MMD: variants seen among roughly 807,000 people sequenced by gnomAD.
MMD encodes monocyte to macrophage differentiation associated.
Under a neutral mutation model 33.6 loss-of-function variants are expected in MMD, and 22 were observed. That is an observed-to-expected ratio of 0.66 (90% CI 0.47 to 0.94). The LOEUF (loss-of-function observed/expected upper bound fraction) is 0.94, where lower values mean the gene tolerates loss of function less well. Ranked by LOEUF, MMD falls within the 40% of genes least tolerant of loss-of-function variation. MMD has a pLI of 0.00. For missense variants in MMD, 242 were observed against 309.8 expected (o/e 0.78, Z 1.64); for synonymous variants, 97 against 103.2 (o/e 0.94, Z 0.36).
Position 55,401,463 on chromosome 17 carries a change from TC to T in MMD, c.516+5del. ...AAATAACTAAAATTCTGAAGCCATG[TC>T]TTACCATTGATGTCACCACCAAGGC... On this transcript the variant is annotated splice_donor_5th_base_variant and intron_variant, in intron 6 of 6. Transcript: ENST00000262065. 1 of 1,598,720 alleles carries T rather than the reference TC, an allele frequency of 6.3e-7. No individual in the cohort carries two copies. The highest frequency in any genetic ancestry group is 8.5e-7 in the Non-Finnish European group (1 of 1,173,164).
Position 55,394,438 on chromosome 17 carries a change from G to A in MMD, c.613C>T (p.His205Tyr). The A allele has an allele frequency of 6.5e-7, 1 of 1,533,396 alleles. No homozygotes were observed. The highest frequency in any genetic ancestry group is 8.7e-7 in the Non-Finnish European group (1 of 1,145,490). 95.0% of individuals were successfully genotyped at this position (1,533,396 alleles called of 1,614,324 possible). Residue 205 changes from histidine to tyrosine, a missense_variant, in exon 7 of 7, where the codon CAC (histidine) becomes TAC (tyrosine). Coordinates refer to ENST00000262065, the MANE Select transcript of MMD (RefSeq NM_012329.3). ...GCCACAAACAGGTGCCAGATGGCGTGGGCAAATGGAATGATGCCATCACTC... is the reference window on the plus strand; with the variant it reads ...GCCACAAACAGGTGCCAGATGGCGTAGGCAAATGGAATGATGCCATCACTC... ...FKSDGIIPFA[H>Y]AIWHLFVATA...
chr17:55,416,670 T>C lies in MMD; in HGVS notation c.27-2438A>G, dbSNP rs183329382. 2.6e-5 allele frequency among the ~76,000 whole-genome samples: 4 copies of C among 152,244 alleles called. No homozygotes were observed. In the East Asian group the frequency reaches 5.8e-4, roughly 22 times the overall value. ...CCTAAAACCTAAATGGAAAAGCAGA[T>C]GTAAAATGTAAATCAACTCCCACAC... On this transcript the variant is annotated intron_variant, in intron 1 of 6. Coordinates refer to ENST00000262065, the MANE Select transcript of MMD (RefSeq NM_012329.3).
At chr17:55,401,635 T>C (rs1907334560) in intron 5 of MMD, 97 bp from the exon 6 acceptor site, 1 of 997,956 alleles carries the variant, frequency 1.0e-6, no homozygotes, top group Non-Finnish European at 1.5e-6. Context: ...GAGAAAGAAA[T>C]GTAAACTCTT....
chr17:55,418,477 G>A (rs1908054619), intron 1 of MMD, among the ~76,000 whole-genome samples: 1 of 152,168 alleles, frequency 6.6e-6, no homozygotes, highest in Non-Finnish European at 1.5e-5. Context: ...AGAGAAACAG[G>A]CAGCCTTGGA....
chr17:55,394,548 A>C lies in MMD; in HGVS notation c.517-14T>G. The C allele has an allele frequency of 7.0e-7, 1 of 1,428,384 alleles. No individual in the cohort carries two copies. The highest frequency in any genetic ancestry group is 9.2e-7 in the Non-Finnish European group (1 of 1,089,040). 88.5% of individuals were successfully genotyped at this position (1,428,384 alleles called of 1,614,324 possible). ...ATCGGTGTTGTTCTGTCAACAGAGAAAAAAAAATAAAAAGGGTTTGATGTT... is the reference window on the plus strand; with the variant it reads ...ATCGGTGTTGTTCTGTCAACAGAGACAAAAAAATAAAAAGGGTTTGATGTT... On this transcript the variant is annotated splice_polypyrimidine_tract_variant and intron_variant, in intron 6 of 6. Coordinates refer to ENST00000262065, the MANE Select transcript of MMD (RefSeq NM_012329.3).
chr17:55,407,859 G>A (rs1907616675), intron 3 of MMD, 39 bp from the exon 4 acceptor site: 2 of 1,440,652 alleles, frequency 1.4e-6, no homozygotes, highest in African/African-American at 2.9e-5. Flanking sequence ...GTCAGAAAGT[G>A]TTCAGATGGG....
At chr17:55,400,556 GA>G (rs11371752) in intron 6 of MMD, among the ~76,000 whole-genome samples, 13 of 144,670 alleles carry the variant, frequency 9.0e-5, no homozygotes, top group Middle Eastern at 3.5e-3. Flanking sequence ...TCAAAAAAAA[GA>G]AAAAAAAAAA....
chr17:55,406,628 C>T (rs1318453403), intron 4 of MMD, among the ~76,000 whole-genome samples: 1 of 152,110 alleles, frequency 6.6e-6, no homozygotes, highest in Non-Finnish European at 1.5e-5. Context: ...TGACTGTAAT[C>T]CCAACACTTT....
intron 1 of MMD, among the ~76,000 whole-genome samples, chr17:55,416,012 C>T (rs912892081): frequency 2.0e-5 from 3 of 152,176 alleles, no homozygotes; most frequent in Non-Finnish European, 4.4e-5. Flanking sequence ...TAATTACACT[C>T]TTGGGAAGAA....
intron 1 of MMD, among the ~76,000 whole-genome samples, chr17:55,419,169 C>T (rs1297774999): frequency 6.6e-6 from 1 of 152,204 alleles, no homozygotes; most frequent in Non-Finnish European, 1.5e-5. Context: ...ACATTTATGT[C>T]TTCCAGAGTT....
At chr17:55,417,155 GAGGCTGATCTCAGT>G (rs1456465531) in intron 1 of MMD, among the ~76,000 whole-genome samples, 10 of 152,130 alleles carry the variant, frequency 6.6e-5, no homozygotes, top group African/African-American at 2.4e-4. Context: ...GCAGATCTCA[GAGGCTGATCTCAGT>G]AGATCAAATC....
intron 5 of MMD, among the ~76,000 whole-genome samples, chr17:55,402,110 GA>G (rs1414335890): frequency 1.1e-4 from 15 of 137,814 alleles, no homozygotes; most frequent in South Asian, 9.2e-4. Flanking sequence ...AAAAAGAAAA[GA>G]AAAAAAAAAG....
At chr17:55,400,272 G>C (rs1306268731) in intron 6 of MMD, among the ~76,000 whole-genome samples, 1 of 152,182 alleles carries the variant, frequency 6.6e-6, no homozygotes, top group Non-Finnish European at 1.5e-5. Context: ...TTACAGCCAG[G>C]CGTGATGGCT....
Position 55,411,327 on chromosome 17 carries a change from T to C in MMD, c.199A>G (p.Met67Val). 6.2e-7 allele frequency: 1 copy of C among 1,614,118 alleles called. No individual in the cohort carries two copies. The highest frequency in any genetic ancestry group is 8.5e-7 in the Non-Finnish European group (1 of 1,179,986). The change falls in exon 3 of 7, where the codon ATG becomes GTG. Residue 67 changes from methionine to valine, a missense_variant. Coordinates refer to ENST00000262065, the MANE Select transcript of MMD (RefSeq NM_012329.3). ...ACGATGAAGAGGGCACAGAGTCCCA[T>C]TCCATAAATCCATGCTGTTATCTTT... is the stretch of plus-strand genomic sequence containing the variant. ...WEKITAWIYGMGLCALFIVST... is the reference protein window; with the variant it reads ...WEKITAWIYGVGLCALFIVST...
At chr17:55,404,440 T>C (rs1270040993) in intron 4 of MMD, 27 of 981,352 alleles carry the variant, frequency 2.8e-5, no homozygotes, top group Non-Finnish European at 3.0e-5. Context: ...AGCACTCTTA[T>C]GACGCCTAAC....
At chr17:55,414,300 C>T (rs1450623378) in intron 1 of MMD, 68 bp from the exon 2 acceptor site, 1 of 1,408,874 alleles carries the variant, frequency 7.1e-7, no homozygotes, top group Non-Finnish European at 1.0e-6. Flanking sequence ...GGAAACCCAC[C>T]AGTGGGTATG....
chr17:55,400,404 C>T (rs1334444269), intron 6 of MMD, among the ~76,000 whole-genome samples: 1 of 151,970 alleles, frequency 6.6e-6, no homozygotes, highest in East Asian at 1.9e-4. Context: ...AAAAAATTAG[C>T]CAAGGGTTGC....
intron 1 of MMD, 57 bp downstream of exon 1, chr17:55,421,613 G>A: frequency 6.3e-7 from 1 of 1,587,310 alleles, no homozygotes; most frequent in Non-Finnish European, 8.6e-7. Flanking sequence ...CTTAACGGCG[G>A]GATTTGGGAA....
intron 3 of MMD, among the ~76,000 whole-genome samples, chr17:55,408,075 T>C (rs1229220750): frequency 1.3e-5 from 2 of 152,232 alleles, no homozygotes; most frequent in African/African-American, 4.8e-5. Context: ...GGCCCCATGA[T>C]AGTTAGAAAG....
Sources: allele counts gnomAD v4.1 joint callset (sites outside exome capture counted in the v4.1 genomes callset), GRCh38; gene constraint gnomAD v4.1.1; transcripts MANE v1.5; gene names NCBI Gene and HGNC (gene_info 2026-07-23, HGNC 2026-07-21).